AGO1: variants seen among roughly 807,000 people sequenced by gnomAD.
The protein encoded by AGO1 is argonaute RISC component 1, also known as protein argonaute-1.
Under a neutral mutation model 109.2 loss-of-function variants are expected in AGO1, and 11 were observed. The ratio of observed to expected loss-of-function variants is 0.10; its 90% confidence interval spans 0.06 to 0.17. AGO1 has a LOEUF of 0.17. AGO1 is among the 10% of genes least tolerant of loss of function. The pLI, the probability that AGO1 is intolerant of heterozygous loss-of-function variation, is 1.00. For synonymous variants in AGO1, 422 were observed against 418.6 expected, an observed-to-expected ratio of 1.01 and a Z score of -0.10; for missense variants, 574 against 1,140.3, an observed-to-expected ratio of 0.50 and a Z score of 7.15.
chr1:35,879,817 G>T (rs1645021724), upstream of AGO1, among the ~76,000 whole-genome samples: 1 of 149,908 alleles, frequency 6.7e-6, no homozygotes, highest in Non-Finnish European at 1.5e-5. Context: ...AGCTGAGAGT[G>T]AAGTCCCTGA....
chr1:35,904,191 C>T (rs35670232), intron 11 of AGO1, among the ~76,000 whole-genome samples: 21 of 149,940 alleles, frequency 1.4e-4, no homozygotes, highest in Non-Finnish European at 2.8e-4. Context: ...CTGCAAGCTC[C>T]GCCTTCCGGG....
rs983409479 is a variant in AGO1, at chr1:35,920,447, G to C, written c.*840G>C. 4 of 152,546 alleles carry C rather than the reference G, an allele frequency of 2.6e-5. No homozygotes were observed. The highest frequency in any genetic ancestry group is 7.2e-5 in the African/African-American group (3 of 41,396). 9.4% of individuals were successfully genotyped at this position (152,546 alleles called of 1,614,324 possible). A position where few individuals can be genotyped will look rare whatever the true frequency, so the allele number is the denominator to read the frequency against. On this transcript the variant is annotated 3_prime_UTR_variant, in exon 19 of 19. Coordinates refer to ENST00000373204, the MANE Select transcript of AGO1 (RefSeq NM_012199.5). ...TGTACCTTTCTTTGGGGAATGGGGT[G>C]GGGGTGGGAGAGGAGGTAGATGGGG...
intron 1 of AGO1, among the ~76,000 whole-genome samples, chr1:35,870,603 G>C (rs756503216): frequency 8.5e-5 from 13 of 152,122 alleles, no homozygotes; most frequent in East Asian, 1.9e-4. Context: ...ATAAAGGAGA[G>C]TATTTGAACA....
rs756293606 is a variant in AGO1 at position 35,919,114 on chromosome 1, T to C, written c.2325T>C (p.Asp775=). 1.9e-6 allele frequency: 3 copies of C among 1,614,162 alleles called. No individual in the cohort carries two copies. In the South Asian group the frequency reaches 3.3e-5, roughly 18 times the overall value. ...VLWDDNRFTA[D]ELQILTYQLC... ...GGGATGACAACCGTTTCACAGCAGA[T>C]GAGCTCCAGATCCTGACGTACCAGC... Residue 775 remains aspartate, a synonymous_variant, in exon 18 of 19, where the codon GAT becomes GAC. Transcript: ENST00000373204. This position sits in a 1 kb window ranked among gnomAD's most constrained non-coding sequence, Gnocchi z 6.6.
chr1:35,915,553 C>G lies in AGO1; in HGVS notation c.2028+11C>G. 2 of 1,612,006 alleles carry G rather than the reference C, an allele frequency of 1.2e-6. No individual in the cohort carries two copies. The highest frequency in any genetic ancestry group is 1.7e-6 in the Non-Finnish European group (2 of 1,178,790). On this transcript the variant is annotated intron_variant, in intron 15 of 18. Transcript: ENST00000373204. ...GGCCAGCTACCCCAGGTAGGGCCCA[C>G]AGTAGGTGGAGAAAACCTTCACATC...
At chr1:35,882,010 A>T (rs1408587333), upstream of AGO1, among the ~76,000 whole-genome samples, 1 of 152,250 alleles carries the variant, frequency 6.6e-6, no homozygotes, top group African/African-American at 2.4e-5. The surrounding 1 kb of genome is among the most constrained non-coding windows in gnomAD (Gnocchi z 5.1). Context: ...AGAGCAGTTC[A>T]GAAGGTAAAC....
Position 35,894,086 on chromosome 1 carries a change from T to C in AGO1, c.699T>C (p.Cys233=). The C allele has an allele frequency of 6.3e-7, 1 of 1,583,556 alleles. No homozygotes were observed. The highest frequency in any genetic ancestry group is 8.6e-7 in the Non-Finnish European group (1 of 1,166,436). Residue 233 remains cysteine, a synonymous_variant, in exon 6 of 19, where the codon TGT becomes TGC. Transcript: ENST00000373204. The stretch of plus-strand genomic sequence containing the variant: ...CACAGCCAGTGATTGAGTTCATGTG[T>C]GAGGTGCTGGACATCAGGAACATAG... ...YKAQPVIEFM[C]EVLDIRNIDE...
At chr1:35,915,869 C>G (rs1645725481) in intron 15 of AGO1, among the ~76,000 whole-genome samples, 1 of 152,190 alleles carries the variant, frequency 6.6e-6, no homozygotes. Context: ...GGGCTCTACC[C>G]TTAGAGTTTC....
intron 1 of AGO1, among the ~76,000 whole-genome samples, chr1:35,884,090 C>G (rs1382675244): frequency 7.0e-6 from 1 of 142,572 alleles, no homozygotes; most frequent in African/African-American, 2.7e-5. Context: ...CCTCTCCACA[C>G]CCCCCCGCCC....
chr1:35,874,034 A>C (rs940696474), intron 1 of AGO1, among the ~76,000 whole-genome samples: 1 of 152,160 alleles, frequency 6.6e-6, no homozygotes, highest in Admixed American at 6.5e-5. Context: ...TGATATTTCA[A>C]ATGTTTTCAT....
intron 11 of AGO1, among the ~76,000 whole-genome samples, chr1:35,905,965 A>G (rs1243875954): frequency 6.6e-6 from 1 of 152,238 alleles, no homozygotes; most frequent in Non-Finnish European, 1.5e-5. Flanking sequence ...GCTATATAAT[A>G]ATAACATCTC....
chr1:35,878,404 A>G (rs1645009337), upstream of AGO1, among the ~76,000 whole-genome samples: 1 of 152,146 alleles, frequency 6.6e-6, no homozygotes, highest in African/African-American at 2.4e-5. Flanking sequence ...TTTTTATAAC[A>G]TAGCTAAAAG....
At chr1:35,911,366 G>A (rs1186380587) in intron 12 of AGO1, among the ~76,000 whole-genome samples, 1 of 152,088 alleles carries the variant, frequency 6.6e-6, no homozygotes, top group Non-Finnish European at 1.5e-5. Context: ...TCTAAACAGA[G>A]CAAAAACTGT....
In AGO1 at chr1:35,920,696, C is replaced by T. The variant is rs1645815832; in HGVS notation, c.*1089C>T. ...CTCCTTTTCTCCTTATTCCTCCTAC[C>T]TCCCGCCCCGCCCAGGTCTGGAGTT... On this transcript the variant is annotated 3_prime_UTR_variant, in exon 19 of 19. Coordinates refer to ENST00000373204, the MANE Select transcript of AGO1 (RefSeq NM_012199.5). 6.6e-6 allele frequency: 1 copy of T among 152,602 alleles called. No homozygotes were observed. 9.5% of individuals were successfully genotyped at this position (152,602 alleles called of 1,614,324 possible). A position where few individuals can be genotyped will look rare whatever the true frequency, so the allele number is the denominator to read the frequency against.
Position 35,907,128 on chromosome 1 carries a change from C to T in AGO1, c.1582+9C>T, listed in dbSNP as rs971488700. 3 of 1,605,680 alleles carry T rather than the reference C, an allele frequency of 1.9e-6. No individual in the cohort carries two copies. Among genetic ancestry groups the T allele is most frequent in the African/African-American group, 1.3e-5 (1 of 74,724 alleles). ...GAAGACGCCGGTGTATGGTACAGTT[C>T]TCTTGGGACAGTGATAATGGTGATA... On this transcript the variant is annotated intron_variant, in intron 12 of 18. Coordinates refer to ENST00000373204, the MANE Select transcript of AGO1 (RefSeq NM_012199.5).
At chr1:35,904,931 A>G (rs930970238) in intron 11 of AGO1, among the ~76,000 whole-genome samples, 1 of 152,274 alleles carries the variant, frequency 6.6e-6, no homozygotes, top group East Asian at 1.9e-4. Flanking sequence ...TGAAGGTGCT[A>G]TGGGGTTTGA....
intron 12 of AGO1, among the ~76,000 whole-genome samples, chr1:35,909,732 T>C (rs1439632947): frequency 2.0e-5 from 3 of 152,216 alleles, no homozygotes; most frequent in Non-Finnish European, 4.4e-5. Context: ...CTGAAATCTT[T>C]CCTCTCTATA....
chr1:35,901,739 A>G lies in AGO1; in HGVS notation c.1140+146A>G, dbSNP rs1368917430. 16 of 1,385,900 alleles carry G rather than the reference A, an allele frequency of 1.2e-5. 1 individual carries two copies. In the East Asian group the frequency reaches 1.2e-4, roughly 10 times the overall value. The allele number at this position is 1,385,900 out of a possible 1,614,324, so 85.9% of individuals were successfully genotyped here. The stretch of plus-strand genomic sequence containing the variant: ...AAGGCTGCTTTTGCTTCTTGACCGT[A>G]TAGCTACTTTGCTTTCTGTCTCTTT... On this transcript the variant is annotated intron_variant, in intron 9 of 18. Coordinates refer to ENST00000373204, the MANE Select transcript of AGO1 (RefSeq NM_012199.5). The surrounding 1 kb of genome is among the most constrained non-coding windows in gnomAD (Gnocchi z 4.8).
At chr1:35,897,050 T>C (rs1645332976) in intron 8 of AGO1, among the ~76,000 whole-genome samples, 1 of 152,244 alleles carries the variant, frequency 6.6e-6, no homozygotes, top group African/African-American at 2.4e-5. Flanking sequence ...ATGTGTCATA[T>C]ACTCTCAGGT....
Sources: gnomAD v4.1 joint callset for allele counts (sites outside exome capture counted in the v4.1 genomes callset) on GRCh38, gnomAD v4.1.1 for gene constraint, Gnocchi (gnomAD v3.1) non-coding constraint, MANE v1.5 for transcripts, NCBI Gene and HGNC (gene_info 2026-07-23, HGNC 2026-07-21) for gene names.